Variants in MRPS9 observed in about 807,000 individuals in gnomAD.
MRPS9 encodes mitochondrial ribosomal protein S9.
Under a neutral mutation model 59.9 loss-of-function variants are expected in MRPS9, and 45 were observed. The observed-to-expected ratio is 0.75, with a 90% CI of 0.59 to 0.96. MRPS9 has a LOEUF of 0.96. Ranked by LOEUF, MRPS9 falls within the 40% of genes least tolerant of loss-of-function variation. The probability of loss-of-function intolerance (pLI) is 0.00; values close to 1 mark genes in which losing one functional copy is unlikely to be tolerated. For synonymous variants in MRPS9, 171 were observed against 166.8 expected, an observed-to-expected ratio of 1.03 and a Z score of -0.19; for missense variants, 473 against 481.1, an observed-to-expected ratio of 0.98 and a Z score of 0.16.
rs147161518 is a variant in MRPS9 at position 105,092,539 on chromosome 2, G to A, written c.790G>A (p.Glu264Lys). The A allele has an allele frequency of 5.2e-3, 8,388 of 1,606,132 alleles. 29 individuals carry two copies. The highest frequency in any genetic ancestry group is 6.5e-3 in the Non-Finnish European group (7,686 of 1,177,246). The stretch of plus-strand genomic sequence containing the variant: ...GCTGATTGAACCTGTACAGTATGAT[G>A]AGCAAGGAATGGCCTTTAGCAAAAG... ...KQLIEPVQYD[E>K]QGMAFSKSEG... Residue 264 changes from glutamate (E) to lysine (K), a missense_variant, in exon 8 of 11, where the codon GAG becomes AAG. Physicochemically the swap from Glu to Lys is moderately conservative, Grantham distance 56 (BLOSUM62 1). Coordinates refer to ENST00000258455, the MANE Select transcript of MRPS9 (RefSeq NM_182640.3).
intron 4 of MRPS9, among the ~76,000 whole-genome samples, chr2:105,077,244 C>CAAAAA (rs56216293): frequency 8.7e-5 from 10 of 115,478 alleles, no homozygotes; most frequent in Admixed American, 4.6e-4. Flanking sequence ...GACTCCATCT[C>CAAAAA]AAAAAAAAAA....
intron 4 of MRPS9, among the ~76,000 whole-genome samples, chr2:105,074,078 A>C (rs115564712): frequency 0.022 from 3,418 of 152,272 alleles, 53 homozygotes; most frequent in Non-Finnish European, 0.032. Context: ...ATGACTGTTG[A>C]GTTAAAGAGA....
chr2:105,046,504 A>G (rs1008578642), intron 1 of MRPS9, among the ~76,000 whole-genome samples: 8 of 151,818 alleles, frequency 5.3e-5, no homozygotes, highest in Non-Finnish European at 1.0e-4. Context: ...AGGTCTGTCC[A>G]TGCTCACACC....
At position 105,077,254 on chromosome 2, in the gene MRPS9, AAAG is replaced by A. The variant is rs1293143950; in HGVS notation, c.410-2720_410-2718del. On this transcript the variant is annotated intron_variant, in intron 4 of 10. Coordinates refer to ENST00000258455, the MANE Select transcript of MRPS9 (RefSeq NM_182640.3). ...AGGGAGACTCCATCTCAAAAAAAAA[AAAG>A]AAGAAGAAAAGAAATAACATCTTGT... 2.9e-4 allele frequency among the ~76,000 whole-genome samples: 44 copies of A among 152,086 alleles called. 2 individuals are homozygous for A. In the South Asian group the frequency reaches 2.9e-3, roughly 10 times the overall value.
At chr2:105,047,191 G>A (rs1472704411) in intron 1 of MRPS9, among the ~76,000 whole-genome samples, 1 of 151,896 alleles carries the variant, frequency 6.6e-6, no homozygotes, top group Non-Finnish European at 1.5e-5. Context: ...TCTTCACAAA[G>A]CATTGTGAGA....
At chr2:105,041,451 C>G (rs1679500584) in intron 1 of MRPS9, among the ~76,000 whole-genome samples, 1 of 151,936 alleles carries the variant, frequency 6.6e-6, no homozygotes, top group African/African-American at 2.4e-5. Flanking sequence ...GAGAAGTGAT[C>G]AATGACATTA....
At chr2:105,042,303 G>T (rs1267991865) in intron 1 of MRPS9, among the ~76,000 whole-genome samples, 1 of 152,222 alleles carries the variant, frequency 6.6e-6, no homozygotes, top group African/African-American at 2.4e-5. Flanking sequence ...ATTCTTGCAG[G>T]CTGTCGGGCT....
rs115272248 is a variant in MRPS9 at position 105,082,305 on chromosome 2, G to A, written c.489+2243G>A. 5.6e-3 allele frequency among the ~76,000 whole-genome samples: 857 copies of A among 152,256 alleles called. 10 individuals are homozygous for A. The highest frequency in any genetic ancestry group is 0.02 in the African/African-American group (831 of 41,552). On this transcript the variant is annotated intron_variant, in intron 5 of 10. Transcript: ENST00000258455. Reference sequence around the variant, plus strand: ...GCCAAACTGTTTTTCCCACGTTATTGCCCAACTGTAATTGTACGAGGCCCA... The same window carrying A: ...GCCAAACTGTTTTTCCCACGTTATTACCCAACTGTAATTGTACGAGGCCCA...
intron 7 of MRPS9, among the ~76,000 whole-genome samples, chr2:105,090,954 C>T (rs1215206570): frequency 6.6e-6 from 1 of 152,038 alleles, no homozygotes; most frequent in Admixed American, 6.6e-5. Context: ...AGTGGTAGAT[C>T]CAGAGTTAAT....
At chr2:105,093,860 C>G (rs896368471) in intron 9 of MRPS9, among the ~76,000 whole-genome samples, 1 of 152,132 alleles carries the variant, frequency 6.6e-6, no homozygotes, top group African/African-American at 2.4e-5. Context: ...GACTCTTCTT[C>G]CCCTTTTCAT....
At chr2:105,094,331 C>T (rs1178674344) in intron 9 of MRPS9, among the ~76,000 whole-genome samples, 1 of 152,128 alleles carries the variant, frequency 6.6e-6, no homozygotes, top group Admixed American at 6.5e-5. Context: ...CTCTTCTAAT[C>T]TAAATATACT....
chr2:105,061,965 G>A (rs1461158956), intron 2 of MRPS9, among the ~76,000 whole-genome samples: 2 of 152,138 alleles, frequency 1.3e-5, no homozygotes, highest in African/African-American at 4.8e-5. Flanking sequence ...TTTCTTTCTA[G>A]TAGCAAGTTA....
chr2:105,058,726 A>G (rs577225237), intron 2 of MRPS9, among the ~76,000 whole-genome samples: 1 of 91,336 alleles, frequency 1.1e-5, no homozygotes, highest in Non-Finnish European at 2.5e-5. Flanking sequence ...CCCAGGCAAC[A>G]GATCGTGCAG....
At chr2:105,038,718 C>T (rs1005660985) in intron 1 of MRPS9, among the ~76,000 whole-genome samples, 5 of 152,162 alleles carry the variant, frequency 3.3e-5, no homozygotes, top group Non-Finnish European at 5.9e-5. Context: ...CCCGAATCCC[C>T]CTCTATGGAA....
chr2:105,061,109 CAAAAAAAAAAAAA>C (rs751155585), intron 2 of MRPS9, among the ~76,000 whole-genome samples: 3 of 47,982 alleles, frequency 6.3e-5, no homozygotes, highest in Non-Finnish European at 1.1e-4. Flanking sequence ...GACTCTGTCT[CAAAAAAAAAAAAA>C]AAAAAAAAAA....
intron 4 of MRPS9, among the ~76,000 whole-genome samples, chr2:105,075,272 C>T (rs1484454797): frequency 6.6e-6 from 1 of 152,116 alleles, no homozygotes; most frequent in Non-Finnish European, 1.5e-5. Flanking sequence ...GCTGGGGACC[C>T]CTACTGTAGA....
chr2:105,085,334 G>A (rs1680426216), intron 5 of MRPS9, among the ~76,000 whole-genome samples: 1 of 152,078 alleles, frequency 6.6e-6, no homozygotes, highest in Admixed American at 6.5e-5. Context: ...TTGATTTTCT[G>A]TGATTTCTTT....
chr2:105,041,793 G>A (rs893760384), intron 1 of MRPS9, among the ~76,000 whole-genome samples: 5 of 152,032 alleles, frequency 3.3e-5, no homozygotes, highest in African/African-American at 1.2e-4. Context: ...AAGCCCTTTG[G>A]TAGGATAAAC....
chr2:105,099,514 T>A (rs985563615), intron 10 of MRPS9, among the ~76,000 whole-genome samples, 156 bp from the exon 11 acceptor site: 6 of 152,200 alleles, frequency 3.9e-5, no homozygotes, highest in African/African-American at 1.4e-4. Flanking sequence ...ACTGCCATCA[T>A]GAGGTTGATA....
Sources: allele counts gnomAD v4.1 joint callset (sites outside exome capture counted in the v4.1 genomes callset), GRCh38; gene constraint gnomAD v4.1.1; transcripts MANE v1.5; gene names NCBI Gene and HGNC (gene_info 2026-07-23, HGNC 2026-07-21).